The following PKLR variants were observed in gnomAD, a reference collection of about 807,000 sequenced individuals.
PKLR encodes pyruvate kinase L/R, also known as pyruvate kinase PKLR.
Under a neutral mutation model 53.6 loss-of-function variants are expected in PKLR, and 38 were observed. That is an observed-to-expected ratio of 0.71 (90% CI 0.55 to 0.93). The LOEUF is 0.93. PKLR is among the 40% of genes least tolerant of loss of function. The probability of loss-of-function intolerance (pLI) is 0.00; values close to 1 mark genes in which losing one functional copy is unlikely to be tolerated. For synonymous variants in PKLR, 328 were observed against 316.2 expected (o/e 1.04, Z -0.39); for missense variants, 702 against 787.3 (o/e 0.89, Z 1.30).
chr1:155,295,377 C>T lies in PKLR; in HGVS notation c.507+60G>A. The T allele has an allele frequency of 6.2e-7, 1 of 1,612,770 alleles. No homozygotes were observed. Among genetic ancestry groups the T allele is most frequent in the South Asian group, 1.1e-5 (1 of 91,064 alleles). ...ACCCGCCCCTGCCCACGCCTGGGCC[C>T]AACCCTACAGGCGCCGCCTTTCCGG... On this transcript the variant is annotated intron_variant, in intron 4 of 10. Transcript: ENST00000342741. The surrounding 1 kb of genome is among the most constrained non-coding windows in gnomAD (Gnocchi z 4.3).
chr1:155,297,573 C>T (rs951018525), intron 2 of PKLR, among the ~76,000 whole-genome samples: 2 of 152,106 alleles, frequency 1.3e-5, no homozygotes, highest in Non-Finnish European at 1.5e-5. Context: ...GGCACCCTTC[C>T]CCCCACCCCC....
At chr1:155,297,265 T>G (rs1647651859) in intron 2 of PKLR, among the ~76,000 whole-genome samples, 2 of 152,096 alleles carry the variant, frequency 1.3e-5, no homozygotes, top group Admixed American at 6.6e-5. Flanking sequence ...TCTATCACAT[T>G]TGGATGGCTA....
rs77145576 is a variant in PKLR, at chr1:155,299,007, T to TTTC, written c.283+1088_283+1090dup. ...CTTTCTTTCTTTCTTTCTTTCTTTCTTTCTTTCTTTCTTTCTTTCTTTCTT... is the reference window on the plus strand; with the variant it reads ...CTTTCTTTCTTTCTTTCTTTCTTTCTTTCTTCTTTCTTTCTTTCTTTCTTTCTT... On this transcript the variant is annotated intron_variant, in intron 2 of 10. Coordinates refer to ENST00000342741, the MANE Select transcript of PKLR (RefSeq NM_000298.6). Among the ~76,000 whole-genome samples the TTTC allele has an allele frequency of 6.4e-3, 648 of 100,760 alleles. 6 individuals carry two copies. Among genetic ancestry groups the TTTC allele is most frequent in the Non-Finnish European group, 8.9e-3 (478 of 53,936 alleles). The allele number at this position is 100,760 out of a possible 152,430, so 66.1% of individuals were successfully genotyped here. A position where few individuals can be genotyped will look rare whatever the true frequency, so the allele number is the denominator to read the frequency against.
At chr1:155,296,109 G>A (rs142339464) in intron 2 of PKLR, among the ~76,000 whole-genome samples, 1 of 152,174 alleles carries the variant, frequency 6.6e-6, no homozygotes, top group Non-Finnish European at 1.5e-5. Context: ...AGGTGAGGGC[G>A]TTTGGGTGCG....
In PKLR at chr1:155,293,325, C is replaced by T. The variant is rs1557957612; in HGVS notation, c.1288G>A (p.Ala430Thr). 4 of 1,614,242 alleles carry T rather than the reference C, an allele frequency of 2.5e-6. No individual in the cohort carries two copies. Among genetic ancestry groups the T allele is most frequent in the Non-Finnish European group, 3.4e-6 (4 of 1,180,048 alleles). ...AACAGCTGCCGGTGGTACACTGCGG[C>T]CTCTGCCTCCCGGGCAATCTGCAGG... Reference protein sequence around the residue: ...MQHAIAREAEAAVYHRQLFEE... With the variant: ...MQHAIAREAETAVYHRQLFEE... Residue 430 changes from alanine (A) to threonine (T), a missense_variant, in exon 9 of 11, where the codon GCC becomes ACC. Around this residue, in one of 2 missense-constraint regions of PKLR, gnomAD observed 183 missense variants for 250.2 expected, o/e 0.73. Coordinates refer to ENST00000342741, the MANE Select transcript of PKLR (RefSeq NM_000298.6). This position sits in a 1 kb window ranked among gnomAD's most constrained non-coding sequence, Gnocchi z 4.2.
chr1:155,304,725 C>T (rs947128059), upstream of PKLR, among the ~76,000 whole-genome samples: 12 of 152,202 alleles, frequency 7.9e-5, no homozygotes, highest in African/African-American at 2.7e-4. Flanking sequence ...GGGGGAAATT[C>T]AAGCTTTCTG....
chr1:155,291,647 C>G, intron 10 of PKLR, 109 bp downstream of exon 10: 1 of 938,708 alleles, frequency 1.1e-6, no homozygotes, highest in Non-Finnish European at 1.8e-6. Context: ...ACAGGGAAAA[C>G]CTGGGACCAC....
At chr1:155,307,499 G>A in the PKLR span, among the ~76,000 whole-genome samples, 1 of 152,212 alleles carries the variant, frequency 6.6e-6, no homozygotes, top group Admixed American at 6.5e-5. Context: ...AGACCTTGCT[G>A]ATAAAACAGA....
rs777980472 is a variant in PKLR, at chr1:155,295,179, C to T, written c.631G>A (p.Val211Met). Residue 211 changes from valine (V) to methionine (M), a missense_variant, in exon 5 of 11, where the codon GTG becomes ATG. By Grantham distance (21) the Val-to-Met change is conservative. Around this residue, in one of 2 missense-constraint regions of PKLR, gnomAD observed 519 missense variants for 537.1 expected, o/e 0.97. Coordinates refer to ENST00000342741, the MANE Select transcript of PKLR (RefSeq NM_000298.6). This position sits in a 1 kb window ranked among gnomAD's most constrained non-coding sequence, Gnocchi z 4.3. Reference sequence around the variant, plus strand: ...ATGTAGATGCGGCCCCCCACCGGCACGACCCGGACAATATTGGGGTAGTCC... The same window carrying T: ...ATGTAGATGCGGCCCCCCACCGGCATGACCCGGACAATATTGGGGTAGTCC... ...WVDYPNIVRV[V>M]PVGGRIYIDD... is the part of the protein sequence containing the mutation. 3 of 1,614,148 alleles carry T rather than the reference C, an allele frequency of 1.9e-6. No individual in the cohort carries two copies. In the Admixed American group the frequency reaches 5.0e-5, roughly 27 times the overall value.
intron 2 of PKLR, among the ~76,000 whole-genome samples, chr1:155,299,004 T>C (rs1647792294): frequency 9.9e-6 from 1 of 101,086 alleles, no homozygotes; most frequent in African/African-American, 5.1e-5. Context: ...CTTTCTTTCT[T>C]TCTTTCTTTC....
At chr1:155,301,558 C>G (rs975241347), upstream of PKLR, 56 of 770,578 alleles carry the variant, frequency 7.3e-5, no homozygotes, top group East Asian at 1.5e-3. Flanking sequence ...GCTCTCTGCC[C>G]TCATCTCCTG....
At position 155,293,274 on chromosome 1, in the gene PKLR, G is replaced by A. The variant is rs774102445; in HGVS notation, c.1339C>T (p.Leu447=). The stretch of plus-strand genomic sequence containing the variant: ...GTGACCTCAGTGGGATCACGGCTTA[G>A]TGGCGCTGCCCGACGTAGCTCCTCA... ...LFEELRRAAP[L]SRDPTEVTAI... The change falls in exon 9 of 11, where the codon CTA becomes TTA. Residue 447 remains leucine (L), a synonymous_variant. Coordinates refer to ENST00000342741, the MANE Select transcript of PKLR (RefSeq NM_000298.6). This position sits in a 1 kb window ranked among gnomAD's most constrained non-coding sequence, Gnocchi z 4.2. The A allele has an allele frequency of 2.5e-6, 4 of 1,614,232 alleles. 1 individual carries two copies. The South Asian group carries it at 4.4e-5, about 18-fold the overall frequency.
chr1:155,305,024 A>G (rs749399777), upstream of PKLR, among the ~76,000 whole-genome samples: 1 of 152,106 alleles, frequency 6.6e-6, no homozygotes, highest in East Asian at 1.9e-4. Flanking sequence ...AGTGGCACCC[A>G]TAGGAGATGA....
At chr1:155,297,579 C>T (rs1252215882) in intron 2 of PKLR, among the ~76,000 whole-genome samples, 2 of 151,946 alleles carry the variant, frequency 1.3e-5, no homozygotes, top group African/African-American at 4.8e-5. Context: ...CTTCCCCCCA[C>T]CCCCCATCTA....
chr1:155,291,088 C>T (rs1407023970), intron 10 of PKLR, among the ~76,000 whole-genome samples: 2 of 151,662 alleles, frequency 1.3e-5, no homozygotes, highest in African/African-American at 4.8e-5. Flanking sequence ...CAGGCCAGCC[C>T]TGTAACGAGA....
intron 2 of PKLR, among the ~76,000 whole-genome samples, chr1:155,297,278 A>G (rs1488043514): frequency 6.6e-6 from 1 of 152,040 alleles, no homozygotes; most frequent in Non-Finnish European, 1.5e-5. Context: ...GATGGCTAAT[A>G]AGCATCTCAG....
rs1674446390 is a variant in PKLR at position 155,289,556 on chromosome 1, G to GC, written c.*1015_*1016insG. 2 of 152,452 alleles carry GC rather than the reference G, an allele frequency of 1.3e-5. No individual in the cohort carries two copies. Among genetic ancestry groups the GC allele is most frequent in the Non-Finnish European group, 2.9e-5 (2 of 68,146 alleles). 9.4% of individuals were successfully genotyped at this position (152,452 alleles called of 1,614,324 possible). A position where few individuals can be genotyped will look rare whatever the true frequency, so the allele number is the denominator to read the frequency against. On this transcript the variant is annotated 3_prime_UTR_variant, in exon 11 of 11. Coordinates refer to ENST00000342741, the MANE Select transcript of PKLR (RefSeq NM_000298.6). Reference sequence around the variant, plus strand: ...GCGTTTACCTTTAGAGTTTTGTTTTGTTTTTTCCTTCTGAGTTTGCTGTTG... The same window carrying GC: ...GCGTTTACCTTTAGAGTTTTGTTTTGCTTTTTTCCTTCTGAGTTTGCTGTTG...
At chr1:155,291,628 G>A (rs1269764746) in intron 10 of PKLR, 128 bp downstream of exon 10, 3 of 802,616 alleles carry the variant, frequency 3.7e-6, no homozygotes, top group Non-Finnish European at 6.6e-6. Flanking sequence ...CTCAGTCTTA[G>A]TGACTCTCAC....
At position 155,301,431 on chromosome 1, in the gene PKLR, A is replaced by T; in HGVS notation, c.-36T>A. 1.2e-6 allele frequency: 2 copies of T among 1,613,908 alleles called. No individual in the cohort carries two copies. The highest frequency in any genetic ancestry group is 1.7e-6 in the Non-Finnish European group (2 of 1,179,970). On this transcript the variant is annotated 5_prime_UTR_variant, in exon 1 of 11. Transcript: ENST00000342741. ...TGGGCCTGGGGCTGCGGGACCATGGAATGAGAGGGAGAGGATGACAAAACT... is the reference window on the plus strand; with the variant it reads ...TGGGCCTGGGGCTGCGGGACCATGGTATGAGAGGGAGAGGATGACAAAACT...
Sources: allele counts gnomAD v4.1 joint callset (sites outside exome capture counted in the v4.1 genomes callset), GRCh38; gene constraint gnomAD v4.1.1; regional missense constraint gnomAD v4.1.1; non-coding constraint Gnocchi (gnomAD v3.1); transcripts MANE v1.5; gene names NCBI Gene and HGNC (gene_info 2026-07-23, HGNC 2026-07-21).